LOXHD1: variants seen among roughly 807,000 people sequenced by gnomAD.
LOXHD1 encodes the protein lipoxygenase homology domain-containing protein 1.
LOXHD1 carries 205 observed loss-of-function variants against 248.2 expected under a neutral mutation model. The ratio of observed to expected loss-of-function variants is 0.83; its 90% CI spans 0.74 to 0.93. LOXHD1 has a LOEUF of 0.93. Ranked by LOEUF, LOXHD1 falls within the 40% of genes least tolerant of loss-of-function variation. LOXHD1 has a pLI of 0.00. For missense variants in LOXHD1, 2,930 were observed against 2,971.6 expected (o/e 0.99, Z 0.33); for synonymous variants, 1,113 against 1,162.8 (o/e 0.96, Z 0.87).
intron 34 of LOXHD1, among the ~76,000 whole-genome samples, chr18:46,516,306 G>A (rs2035245632): frequency 6.6e-6 from 1 of 152,218 alleles, no homozygotes; most frequent in African/African-American, 2.4e-5. Context: ...TTGCAACAGT[G>A]CCTGACATGG....
intron 16 of LOXHD1, 111 bp downstream of exon 16, chr18:46,569,331 T>C (rs2037705042): frequency 1.1e-6 from 1 of 915,766 alleles, no homozygotes; most frequent in Admixed American, 2.3e-5. Flanking sequence ...CTTATGTACA[T>C]GAGTGTGTGC....
At chr18:46,526,193 C>G (rs1209508559) in intron 29 of LOXHD1, among the ~76,000 whole-genome samples, 2 of 152,184 alleles carry the variant, frequency 1.3e-5, no homozygotes, top group African/African-American at 2.4e-5. Context: ...GGGGGAAGAC[C>G]TTCACATTGC....
intron 14 of LOXHD1, among the ~76,000 whole-genome samples, chr18:46,574,617 A>T (rs1343141447): frequency 5.6e-5 from 7 of 124,374 alleles, no homozygotes. Flanking sequence ...CCATTTTCTA[A>T]AAAAAAAAAA....
chr18:46,518,374 G>A, intron 33 of LOXHD1, 118 bp from the exon 34 acceptor site: 1 of 1,268,788 alleles, frequency 7.9e-7, no homozygotes, highest in Non-Finnish European at 1.1e-6. Context: ...TCTGGAAAGA[G>A]CCCTTCCTCA....
chr18:46,636,450 G>T (rs1425786809), intron 4 of LOXHD1, among the ~76,000 whole-genome samples: 1 of 152,184 alleles, frequency 6.6e-6, no homozygotes, highest in African/African-American at 2.4e-5. Context: ...TCAAGGTCCA[G>T]TTCCCTCCAC....
chr18:46,561,531 C>CTG (rs758355038), intron 18 of LOXHD1, among the ~76,000 whole-genome samples: 1 of 152,324 alleles, frequency 6.6e-6, no homozygotes, highest in Non-Finnish European at 1.5e-5. Flanking sequence ...TGATGAGCCC[C>CTG]TGTCTGGGGT....
chr18:46,637,192 G>C (rs138724692), intron 4 of LOXHD1, among the ~76,000 whole-genome samples: 1 of 152,082 alleles, frequency 6.6e-6, no homozygotes, highest in Non-Finnish European at 1.5e-5. Context: ...AAAACCATTG[G>C]AATATTTGAA....
intron 5 of LOXHD1, among the ~76,000 whole-genome samples, chr18:46,614,718 T>TA (rs148821094): frequency 6.0e-5 from 9 of 149,748 alleles, no homozygotes; most frequent in Non-Finnish European, 1.0e-4. Flanking sequence ...TAAAGTATAA[T>TA]AATAAATAAA....
intron 14 of LOXHD1, among the ~76,000 whole-genome samples, chr18:46,574,353 TTCTC>T (rs1054452941): frequency 3.0e-5 from 4 of 131,948 alleles, no homozygotes; most frequent in African/African-American, 9.0e-5. Context: ...TTATTACTCT[TTCTC>T]TGAGCTCACA....
rs1185120371 is a variant in LOXHD1, at chr18:46,601,408, TG to T, written c.942del (p.Ile316SerfsTer43). 1 of 1,551,742 alleles carries T rather than the reference TG, an allele frequency of 6.4e-7. No individual in the cohort carries two copies. The highest frequency in any genetic ancestry group is 8.7e-7 in the Non-Finnish European group (1 of 1,147,002). On this transcript the variant is annotated frameshift_variant, in exon 8 of 41. Transcript: ENST00000642948. LOFTEE classifies it high-confidence loss of function. ...GCCCCATACATGACCAAGTAGATTT[TG>T]GATTTGGTACCAGCCCCCCGGACAT... is the stretch of plus-strand genomic sequence containing the variant. ...TGDVRGAGTK[S>X]KIYLVMYGAR... is the part of the protein sequence containing the mutation.
At chr18:46,521,790 T>C (rs1471282554) in intron 32 of LOXHD1, among the ~76,000 whole-genome samples, 1 of 152,154 alleles carries the variant, frequency 6.6e-6, no homozygotes, top group Non-Finnish European at 1.5e-5. Flanking sequence ...ACACCTAGAC[T>C]CCTGACCCAT....
At position 46,541,762 on chromosome 18, in the gene LOXHD1, TG is replaced by T. The variant is rs1293389328; in HGVS notation, c.3913+13del. The T allele has an allele frequency of 1.9e-6, 3 of 1,551,382 alleles. No homozygotes were observed. The highest frequency in any genetic ancestry group is 2.6e-6 in the Non-Finnish European group (3 of 1,146,900). Reference sequence around the variant, plus strand: ...CCCCAGAGAAGGGCTGGCCTTGCCGTGTGTGGTTCCTACATGGTGTGTACAG... The same window carrying T: ...CCCCAGAGAAGGGCTGGCCTTGCCGTTGTGGTTCCTACATGGTGTGTACAG... On this transcript the variant is annotated intron_variant, in intron 25 of 40. Coordinates refer to ENST00000642948, the MANE Select transcript of LOXHD1 (RefSeq NM_001384474.1).
At chr18:46,584,099 G>A (rs1329785946) in intron 12 of LOXHD1, among the ~76,000 whole-genome samples, 2 of 152,122 alleles carry the variant, frequency 1.3e-5, no homozygotes, top group East Asian at 1.9e-4. Flanking sequence ...GCCAGACGCA[G>A]AAAGACCAAT....
chr18:46,589,186 G>T (rs2038118819), intron 12 of LOXHD1, among the ~76,000 whole-genome samples: 1 of 152,194 alleles, frequency 6.6e-6, no homozygotes, highest in African/African-American at 2.4e-5. Flanking sequence ...TACCCGGAAG[G>T]AATGCTGAGG....
Position 46,595,606 on chromosome 18 carries a change from G to A in LOXHD1, c.1135-1140C>T, listed in dbSNP as rs574769858. ...AGTTTGGGATCTTTTCTACTCATCAGGAAGAACCTCAGAATTTCTATTTGT... is the reference window on the plus strand; with the variant it reads ...AGTTTGGGATCTTTTCTACTCATCAAGAAGAACCTCAGAATTTCTATTTGT... On this transcript the variant is annotated intron_variant, in intron 8 of 40. Coordinates refer to ENST00000642948, the MANE Select transcript of LOXHD1 (RefSeq NM_001384474.1). Among the ~76,000 whole-genome samples, 25 of 152,296 alleles carry A rather than the reference G, an allele frequency of 1.6e-4. 2 individuals carry two copies. In the South Asian group the frequency reaches 5.2e-3, roughly 32 times the overall value.
intron 6 of LOXHD1, 84 bp downstream of exon 6, chr18:46,610,692 T>C (rs985078253): frequency 6.3e-6 from 9 of 1,431,346 alleles, no homozygotes; most frequent in African/African-American, 1.4e-5. Flanking sequence ...GAGAGGAAAG[T>C]TGGGACTGAG....
At chr18:46,656,463 C>T (rs1357612647) in intron 1 of LOXHD1, among the ~76,000 whole-genome samples, 2 of 152,138 alleles carry the variant, frequency 1.3e-5, no homozygotes, top group Non-Finnish European at 2.9e-5. Flanking sequence ...GCCCCAGGCT[C>T]CCTGTCTCCA....
At chr18:46,487,117 C>T (rs184408616) in intron 38 of LOXHD1, among the ~76,000 whole-genome samples, 74 of 152,270 alleles carry the variant, frequency 4.9e-4, no homozygotes, top group Non-Finnish European at 1.6e-4. Flanking sequence ...CAAGGACAAG[C>T]CCTACTAGAG....
chr18:46,503,678 T>G (rs1034853096), intron 37 of LOXHD1, among the ~76,000 whole-genome samples: 1 of 152,170 alleles, frequency 6.6e-6, no homozygotes, highest in Non-Finnish European at 1.5e-5. Flanking sequence ...TTGAGCATGA[T>G]TTGCGAGTAT....
Sources: allele counts gnomAD v4.1 joint callset (sites outside exome capture counted in the v4.1 genomes callset), GRCh38; gene constraint gnomAD v4.1.1; transcripts MANE v1.5; gene names NCBI Gene and HGNC (gene_info 2026-07-23, HGNC 2026-07-21).